Variants in SUCO observed in about 807,000 individuals in gnomAD.
SUCO encodes SUN domain containing ossification factor.
In SUCO, 57 loss-of-function variants were observed where a neutral mutation model predicts 148.1. The observed-to-expected ratio is 0.38, with a 90% CI of 0.31 to 0.48. The LOEUF (loss-of-function observed/expected upper bound fraction) is 0.48. Among genes scored for constraint, SUCO ranks in the 20% least tolerant of loss-of-function variants. The pLI is 0.96. For missense variants in SUCO, 1,331 were observed against 1,468.2 expected (o/e 0.91, Z 1.53); for synonymous variants, 470 against 502.7 (o/e 0.93, Z 0.87).
At chr1:172,568,633 A>G (rs1654727187) in intron 6 of SUCO, among the ~76,000 whole-genome samples, 1 of 152,172 alleles carries the variant, frequency 6.6e-6, no homozygotes, top group South Asian at 2.1e-4. Flanking sequence ...TAAAACATCT[A>G]AAATTATCTA....
intron 15 of SUCO, among the ~76,000 whole-genome samples, chr1:172,581,759 G>T (rs533404842): frequency 3.3e-5 from 5 of 152,184 alleles, no homozygotes; most frequent in African/African-American, 1.2e-4. Context: ...AGCTAGAATT[G>T]TCTTTAATCT....
chr1:172,589,963 A>T, intron 18 of SUCO, 37 bp downstream of exon 18: 2 of 1,467,364 alleles, frequency 1.4e-6, no homozygotes, highest in Non-Finnish European at 1.8e-6. Context: ...TCAGCTTCAC[A>T]CAGTGAGTTA....
intron 18 of SUCO, 34 bp downstream of exon 18, chr1:172,589,960 C>A: frequency 1.4e-6 from 2 of 1,478,246 alleles, no homozygotes; most frequent in Admixed American, 2.3e-5. Flanking sequence ...CAGTCAGCTT[C>A]ACACAGTGAG....
At chr1:172,568,305 T>TTGCC in intron 6 of SUCO, 28 of 905,898 alleles carry the variant, frequency 3.1e-5, no homozygotes, top group Non-Finnish European at 3.6e-5. Flanking sequence ...ATTCTTTGCT[T>TTGCC]CCCACCCACC....
rs1653449278 is a variant in SUCO, at chr1:172,553,298, A to G, written c.216A>G (p.Gly72=). The G allele has an allele frequency of 2.8e-5, 45 of 1,600,848 alleles. No homozygotes were observed. Among genetic ancestry groups the G allele is most frequent in the Non-Finnish European group, 3.8e-5 (44 of 1,171,546 alleles). ...REGPINAESL[G]KSGSNLPISP... is the part of the protein sequence containing the mutation. Reference sequence around the variant, plus strand: ...GACCTATCAATGCCGAATCATTGGGAAAATCAGGTTCAAATTTACCTATTT... The same window carrying G: ...GACCTATCAATGCCGAATCATTGGGGAAATCAGGTTCAAATTTACCTATTT... The change falls in exon 3 of 24, where the codon GGA becomes GGG. Residue 72 remains glycine, a synonymous_variant. Transcript: ENST00000263688.
intron 15 of SUCO, among the ~76,000 whole-genome samples, chr1:172,584,575 G>T (rs1656101694): frequency 6.6e-6 from 1 of 152,078 alleles, no homozygotes; most frequent in African/African-American, 2.4e-5. Context: ...GAGTTTGAGA[G>T]CAGCCTGGGC....
Position 172,588,748 on chromosome 1 carries a change from A to G in SUCO, c.1659-12A>G. 2 of 1,412,372 alleles carry G rather than the reference A, an allele frequency of 1.4e-6. No homozygotes were observed. Among genetic ancestry groups the G allele is most frequent in the South Asian group, 2.0e-5 (1 of 51,036 alleles). 87.5% of individuals were successfully genotyped at this position (1,412,372 alleles called of 1,614,324 possible). On this transcript the variant is annotated splice_polypyrimidine_tract_variant and intron_variant, in intron 17 of 23. Transcript: ENST00000263688. ...AGTAAGTGATTTATAATTATGATAT[A>G]TGTATTTCTAGGTATGTAACCACTG... is the stretch of plus-strand genomic sequence containing the variant.
intron 1 of SUCO, among the ~76,000 whole-genome samples, chr1:172,538,555 T>A (rs1465478880): frequency 6.6e-6 from 1 of 152,156 alleles, no homozygotes; most frequent in Admixed American, 6.5e-5. Context: ...TTGTTTCTGC[T>A]TCTGTCTCTA....
In SUCO at chr1:172,585,897, C is replaced by T. The variant is rs1292559162; in HGVS notation, c.1607C>T (p.Ala536Val). 1 of 1,610,766 alleles carries T rather than the reference C, an allele frequency of 6.2e-7. No individual in the cohort carries two copies. The change falls in exon 17 of 24, where the codon GCA becomes GTA. Residue 536 changes from alanine to valine, a missense_variant. Physicochemically the swap from Ala to Val is moderately conservative, Grantham distance 64. Coordinates refer to ENST00000263688, the MANE Select transcript of SUCO (RefSeq NM_014283.5). ...SISENATATAAPKMPESTPVS... is the reference protein window; with the variant it reads ...SISENATATAVPKMPESTPVS... ...TCTGAGAATGCCACTGCCACAGCTG[C>T]ACCTAAAATGCCTGAATCAACTCCT...
At chr1:172,606,977 A>G (rs1399865320) in intron 22 of SUCO, among the ~76,000 whole-genome samples, 1 of 151,610 alleles carries the variant, frequency 6.6e-6, no homozygotes, top group African/African-American at 2.4e-5. Flanking sequence ...TGGGTTTTCA[A>G]TTTCAGTTAT....
Position 172,589,632 on chromosome 1 carries a change from A to G in SUCO, c.2531A>G (p.Asn844Ser), listed in dbSNP as rs757542888. ...AATGAAGATGGGGAAGCCAAAATGA[A>G]TATAGCTGACACAGCAAAGCAAACT... ...PDNEDGEAKM[N>S]IADTAKQTLI... The change falls in exon 18 of 24, where the codon AAT (asparagine) becomes AGT (serine). Residue 844 changes from asparagine to serine, a missense_variant. Transcript: ENST00000263688. 9 of 1,613,834 alleles carry G rather than the reference A, an allele frequency of 5.6e-6. No homozygotes were observed. Among genetic ancestry groups the G allele is most frequent in the African/African-American group, 1.3e-5 (1 of 74,928 alleles).
Position 172,533,283 on chromosome 1 carries a change from G to A in SUCO, c.-153G>A, listed in dbSNP as rs1651738953. The A allele has an allele frequency of 1.3e-6, 2 of 1,549,718 alleles. No individual in the cohort carries two copies. Among genetic ancestry groups the A allele is most frequent in the Admixed American group, 2.0e-5 (1 of 50,982 alleles). ...CCCTCAGAGAGGGCTGCCAGGACGC[G>A]AGCCACTGAGGAGCCGCTCAGCCAG... is the stretch of plus-strand genomic sequence containing the variant. On this transcript the variant is annotated 5_prime_UTR_variant, in exon 1 of 24. Transcript: ENST00000263688.
intron 20 of SUCO, among the ~76,000 whole-genome samples, chr1:172,601,352 G>A (rs1345587233): frequency 6.6e-6 from 1 of 152,050 alleles, no homozygotes; most frequent in Non-Finnish European, 1.5e-5. Flanking sequence ...ATTAGCCGGT[G>A]TGGTGGCATG....
chr1:172,607,369 A>C (rs1044260222), intron 22 of SUCO, among the ~76,000 whole-genome samples: 1 of 151,518 alleles, frequency 6.6e-6, no homozygotes, highest in African/African-American at 2.4e-5. Context: ...TTGGACTGCA[A>C]GTTCATGCAT....
At chr1:172,595,620 C>G (rs551003440) in intron 19 of SUCO, among the ~76,000 whole-genome samples, 36 of 152,338 alleles carry the variant, frequency 2.4e-4, no homozygotes, top group Non-Finnish European at 4.1e-4. Flanking sequence ...TCTCTTCTGA[C>G]TTGTAGAGTT....
At chr1:172,542,470 T>G (rs1163578464) in intron 1 of SUCO, among the ~76,000 whole-genome samples, 3 of 152,144 alleles carry the variant, frequency 2.0e-5, no homozygotes, top group Non-Finnish European at 2.9e-5. Flanking sequence ...TGCTCCGTGG[T>G]CTGTTAGGAC....
chr1:172,586,432 C>T (rs1435312817), intron 17 of SUCO, among the ~76,000 whole-genome samples: 1 of 152,148 alleles, frequency 6.6e-6, no homozygotes, highest in African/African-American at 2.4e-5. Flanking sequence ...AGGCCTTTCC[C>T]CAGGTTGCAG....
At chr1:172,532,552 A>G, upstream of SUCO, 1 of 1,613,884 alleles carries the variant, frequency 6.2e-7, no homozygotes, top group East Asian at 2.2e-5. Context: ...CCACAGGGAA[A>G]GGGCTTGGTG....
intron 19 of SUCO, among the ~76,000 whole-genome samples, chr1:172,592,884 C>T (rs537060442): frequency 6.6e-4 from 100 of 152,268 alleles, no homozygotes; most frequent in African/African-American, 2.2e-3. Context: ...GCCATTTTCA[C>T]GATATTGGTT....
Sources: gnomAD v4.1 joint callset for allele counts (sites outside exome capture counted in the v4.1 genomes callset) on GRCh38, gnomAD v4.1.1 for gene constraint, MANE v1.5 for transcripts, NCBI Gene and HGNC (gene_info 2026-07-23, HGNC 2026-07-21) for gene names.